The following OPALIN variants were observed in gnomAD, a reference collection of about 807,000 sequenced individuals.
OPALIN encodes the protein transmembrane protein 10.
A neutral mutation model predicts 17.8 loss-of-function variants in OPALIN; 15 were observed. The ratio of observed to expected loss-of-function variants is 0.84; its 90% CI spans 0.56 to 1.29. The LOEUF (loss-of-function observed/expected upper bound fraction) is 1.29, where lower values mean the gene tolerates loss of function less well. OPALIN is among the 50% of genes most tolerant of loss of function. The pLI is 0.00. For missense variants in OPALIN, 170 were observed against 176.0 expected, an observed-to-expected ratio of 0.97 and a Z score of 0.19; for synonymous variants, 62 against 63.8, an observed-to-expected ratio of 0.97 and a Z score of 0.14.
intron 3 of OPALIN, 113 bp from the exon 4 acceptor site, chr10:96,349,939 A>T (rs2134017469): frequency 8.7e-7 from 1 of 1,153,932 alleles, no homozygotes; most frequent in Non-Finnish European, 1.2e-6. Flanking sequence ...CATAAACGTC[A>T]TATACAAAAT....
intron 3 of OPALIN, among the ~76,000 whole-genome samples, chr10:96,350,276 C>G (rs1845524767): frequency 6.6e-6 from 1 of 152,114 alleles, no homozygotes; most frequent in Admixed American, 6.6e-5. Context: ...AGTGCAATGG[C>G]ACAGTCTTGG....
intron 5 of OPALIN, among the ~76,000 whole-genome samples, chr10:96,347,286 G>C (rs545286904): frequency 6.6e-6 from 1 of 151,706 alleles, no homozygotes; most frequent in Non-Finnish European, 1.5e-5. Context: ...GTAGAGATGG[G>C]GTTCACCATG....
intron 2 of OPALIN, among the ~76,000 whole-genome samples, chr10:96,351,796 A>G (rs1399943844): frequency 6.6e-6 from 1 of 152,198 alleles, no homozygotes; most frequent in Admixed American, 6.5e-5. Context: ...TCTTTAAGGA[A>G]GCCTTGCTTG....
At chr10:96,354,274 C>T (rs1015043483) in intron 2 of OPALIN, among the ~76,000 whole-genome samples, 1 of 152,080 alleles carries the variant, frequency 6.6e-6, no homozygotes, top group Non-Finnish European at 1.5e-5. Context: ...CTAACATCGA[C>T]AATTGAAAAC....
At chr10:96,347,424 C>A (rs1343662666) in intron 5 of OPALIN, among the ~76,000 whole-genome samples, 3 of 151,876 alleles carry the variant, frequency 2.0e-5, no homozygotes, top group East Asian at 3.9e-4. Flanking sequence ...GACAATCATA[C>A]CATCTGCAAA....
At chr10:96,346,827 C>A (rs761445722) in intron 5 of OPALIN, among the ~76,000 whole-genome samples, 5 of 152,034 alleles carry the variant, frequency 3.3e-5, no homozygotes, top group Non-Finnish European at 5.9e-5. Flanking sequence ...GGTTTTTTAA[C>A]CAAAGTTTTA....
At chr10:96,350,911 A>T (rs1028597874) in intron 3 of OPALIN, among the ~76,000 whole-genome samples, 1 of 102,224 alleles carries the variant, frequency 9.8e-6, no homozygotes, top group African/African-American at 3.7e-5. Flanking sequence ...TTTAGGGGGA[A>T]ATTGATTTTA....
rs908315240 is a variant in OPALIN, at chr10:96,345,384, G to T, written c.*557C>A. ...AGTGGTAGGTGTGACTTAAGAGTCC[G>T]TATTCTTTCCACTGCTGTGTGACAT... On this transcript the variant is annotated 3_prime_UTR_variant, in exon 6 of 6. Coordinates refer to ENST00000371172, the MANE Select transcript of OPALIN (RefSeq NM_033207.5). 6.6e-6 allele frequency: 1 copy of T among 152,232 alleles called. No homozygotes were observed. Among genetic ancestry groups the T allele is most frequent in the Non-Finnish European group, 1.5e-5 (1 of 68,112 alleles). The allele number at this position is 152,232 out of a possible 1,614,324, so 9.4% of individuals were successfully genotyped here. A position where few individuals can be genotyped will look rare whatever the true frequency, so the allele number is the denominator to read the frequency against.
rs75444402 is a variant in OPALIN at position 96,357,807 on chromosome 10, T to C, written c.3+1087A>G. ...TGGAATTGCAAGCATGAGTTAGTGA[T>C]AGTCAAAGTACTAGAATTGGATACA... On this transcript the variant is annotated intron_variant, in intron 1 of 5. Transcript: ENST00000371172. Among the ~76,000 whole-genome samples the C allele has an allele frequency of 2.9e-3, 441 of 152,262 alleles. 6 individuals carry two copies. Among genetic ancestry groups the C allele is most frequent in the African/African-American group, 0.01 (427 of 41,570 alleles).
In OPALIN at chr10:96,348,313, A is replaced by G. The variant is rs1451483127; in HGVS notation, c.225T>C (p.Ile75=). Residue 75 remains isoleucine (I), a synonymous_variant, in exon 5 of 6, where the codon ATT becomes ATC. Transcript: ENST00000371172. ...ESDRPCEISE[I]DDNPKISENP... ...CCTCAGATATCTTGGGATTGTCATC[A>G]ATTTCTGAAATTTCACATGGTCTGT... 3 of 1,548,164 alleles carry G rather than the reference A, an allele frequency of 1.9e-6. No individual in the cohort carries two copies. In the South Asian group the frequency reaches 3.4e-5, roughly 18 times the overall value.
intron 2 of OPALIN, among the ~76,000 whole-genome samples, 165 bp from the exon 3 acceptor site, chr10:96,351,575 G>A (rs910076761): frequency 4.6e-5 from 7 of 152,072 alleles, no homozygotes; most frequent in Non-Finnish European, 2.9e-5. Flanking sequence ...TGCTTCCCAG[G>A]TAAGAATTGG....
chr10:96,353,378 G>C, intron 2 of OPALIN: 1 of 1,606,356 alleles, frequency 6.2e-7, no homozygotes, highest in Non-Finnish European at 8.5e-7. Flanking sequence ...GGCATTCCCA[G>C]GCTACCCAGC....
At position 96,351,400 on chromosome 10, in the gene OPALIN, G is replaced by A; in HGVS notation, c.50C>T (p.Pro17Leu). ...TACCGTTTCTTTCCCACCTGTGACAGGAGAGGACGTCTGTATGGAAAAAGA... is the reference window on the plus strand; with the variant it reads ...TACCGTTTCTTTCCCACCTGTGACAAGAGAGGACGTCTGTATGGAAAAAGA... ...FTLPANTTSS[P>L]VTGGKETDCG... The change falls in exon 3 of 6, where the codon CCT becomes CTT. Residue 17 changes from proline (P) to leucine (L), a missense_variant. Pro to Leu is a moderately conservative substitution (Grantham distance 98, BLOSUM62 -3). Coordinates refer to ENST00000371172, the MANE Select transcript of OPALIN (RefSeq NM_033207.5). 1.3e-6 allele frequency: 2 copies of A among 1,543,406 alleles called. No homozygotes were observed.
rs1411755758 is a variant in OPALIN at position 96,345,514 on chromosome 10, A to C, written c.*427T>G. ...AACTGCTTCCTCTCACACATCCTGC[A>C]TAAGTTTCATTTGTATCCCAACTTG... On this transcript the variant is annotated 3_prime_UTR_variant, in exon 6 of 6. Transcript: ENST00000371172. 2 of 159,428 alleles carry C rather than the reference A, an allele frequency of 1.3e-5. No individual in the cohort carries two copies. The highest frequency in any genetic ancestry group is 1.8e-4 in the East Asian group (1 of 5,538). 9.9% of individuals were successfully genotyped at this position (159,428 alleles called of 1,614,324 possible). A position where few individuals can be genotyped will look rare whatever the true frequency, so the allele number is the denominator to read the frequency against.
rs78913503 is a variant in OPALIN, at chr10:96,354,144, C to T, written c.39+1111G>A. Reference sequence around the variant, plus strand: ...CAGCCAAGCCCACTAAAAAACTGGGCCAGAAAAATGCCTTGCTCAACCATA... The same window carrying T: ...CAGCCAAGCCCACTAAAAAACTGGGTCAGAAAAATGCCTTGCTCAACCATA... On this transcript the variant is annotated intron_variant, in intron 2 of 5. Coordinates refer to ENST00000371172, the MANE Select transcript of OPALIN (RefSeq NM_033207.5). Among the ~76,000 whole-genome samples, 1,058 of 152,112 alleles carry T rather than the reference C, an allele frequency of 7.0e-3. 17 individuals are homozygous for T. Among genetic ancestry groups the T allele is most frequent in the African/African-American group, 0.024 (978 of 41,486 alleles).
rs1437737592 is a variant in OPALIN, at chr10:96,344,979, A to G, written c.*962T>C. On this transcript the variant is annotated 3_prime_UTR_variant, in exon 6 of 6. Transcript: ENST00000371172. ...GTAAGAAACTGCCTTTTCCTGATTC[A>G]TATGAGGACACGATCACACCTAGAT... is the stretch of plus-strand genomic sequence containing the variant. 6.6e-6 allele frequency: 1 copy of G among 152,238 alleles called. No homozygotes were observed. Among genetic ancestry groups the G allele is most frequent in the Non-Finnish European group, 1.5e-5 (1 of 68,044 alleles). The allele number at this position is 152,238 out of a possible 1,614,324, so 9.4% of individuals were successfully genotyped here. A position where few individuals can be genotyped will look rare whatever the true frequency, so the allele number is the denominator to read the frequency against.
At chr10:96,353,635 C>T (rs1331750255) in intron 2 of OPALIN, 1 of 152,880 alleles carries the variant, frequency 6.5e-6, no homozygotes, top group African/African-American at 2.4e-5. Context: ...TCTCTTCCAC[C>T]CCATTCACCC....
At chr10:96,354,529 A>C (rs1264427180) in intron 2 of OPALIN, among the ~76,000 whole-genome samples, 1 of 152,178 alleles carries the variant, frequency 6.6e-6, no homozygotes, top group Admixed American at 6.5e-5. Context: ...TTAACCATAT[A>C]ACAGTTATGG....
intron 1 of OPALIN, among the ~76,000 whole-genome samples, chr10:96,356,283 C>CAAGACCAG (rs1158803210): frequency 6.6e-6 from 1 of 152,206 alleles, no homozygotes; most frequent in East Asian, 1.9e-4. Flanking sequence ...TCCAGCATCC[C>CAAGACCAG]AAGACCAGAT....
Sources: gnomAD v4.1 joint callset for allele counts (sites outside exome capture counted in the v4.1 genomes callset) on GRCh38, gnomAD v4.1.1 for gene constraint, MANE v1.5 for transcripts, NCBI Gene and HGNC (gene_info 2026-07-23, HGNC 2026-07-21) for gene names.